The following RAB6A variants were observed in gnomAD, a reference collection of about 807,000 sequenced individuals.
RAB6A encodes the protein RAB6A, member RAS oncogene family.
A neutral mutation model predicts 32.3 loss-of-function variants in RAB6A; 8 were observed. The observed-to-expected ratio is 0.25, with a 90% CI of 0.15 to 0.45. The LOEUF (loss-of-function observed/expected upper bound fraction) is 0.45. Ranked by LOEUF, RAB6A falls within the 20% of genes least tolerant of loss-of-function variation. The probability of loss-of-function intolerance (pLI) is 1.00; values close to 1 mark genes in which losing one functional copy is unlikely to be tolerated. For missense variants in RAB6A, 104 were observed against 249.4 expected (o/e 0.42, Z 3.93); for synonymous variants, 73 against 82.1 (o/e 0.89, Z 0.60).
At chr11:73,709,102 AGT>A (rs1427475865) in intron 5 of RAB6A, among the ~76,000 whole-genome samples, 1 of 152,170 alleles carries the variant, frequency 6.6e-6, no homozygotes, top group Non-Finnish European at 1.5e-5. Context: ...ATACTTCAGC[AGT>A]GTGAATTTCC....
intron 6 of RAB6A, among the ~76,000 whole-genome samples, chr11:73,697,621 A>G (rs1945674928): frequency 6.6e-6 from 1 of 152,156 alleles, no homozygotes; most frequent in South Asian, 2.1e-4. Flanking sequence ...CACTGGGATT[A>G]CAGGCATGAG....
chr11:73,731,684 T>TTATATATATATA (rs1157961323), intron 1 of RAB6A, among the ~76,000 whole-genome samples: 2 of 14,516 alleles, frequency 1.4e-4, no homozygotes, highest in African/African-American at 1.9e-4. Flanking sequence ...TAGATAGATA[T>TTATATATATATA]TATATATATA....
At chr11:73,714,489 G>A (rs568185918) in intron 5 of RAB6A, among the ~76,000 whole-genome samples, 2 of 150,910 alleles carry the variant, frequency 1.3e-5, no homozygotes, top group Admixed American at 6.6e-5. Context: ...GTGAAACCTC[G>A]TCTCTACTAA....
At chr11:73,687,514 ACTAGT>A (rs1335505915) in intron 6 of RAB6A, among the ~76,000 whole-genome samples, 1 of 152,078 alleles carries the variant, frequency 6.6e-6, no homozygotes, top group Non-Finnish European at 1.5e-5. Context: ...TATTTTCTGG[ACTAGT>A]CTATTTTTTC....
intron 1 of RAB6A, among the ~76,000 whole-genome samples, chr11:73,739,030 G>A (rs1946446358): frequency 6.6e-6 from 1 of 150,962 alleles, no homozygotes; most frequent in Non-Finnish European, 1.5e-5. Flanking sequence ...CACTTTGGGA[G>A]GCTGAGGTGG....
chr11:73,681,512 T>C (rs1945356234), intron 6 of RAB6A, among the ~76,000 whole-genome samples: 1 of 152,144 alleles, frequency 6.6e-6, no homozygotes, highest in Non-Finnish European at 1.5e-5. Context: ...CTACAACTAA[T>C]ATGTTTAAAA....
intron 2 of RAB6A, among the ~76,000 whole-genome samples, chr11:73,722,056 G>GTGTGTGTGTATATATATATATATAT (rs1555061901): frequency 9.3e-5 from 14 of 151,022 alleles, no homozygotes; most frequent in Non-Finnish European, 1.9e-4. Context: ...CTTCTGCCAT[G>GTGTGTGTGTATATATATATATATAT]ATTGTAAGTT....
chr11:73,733,413 G>A (rs1443596405), intron 1 of RAB6A, among the ~76,000 whole-genome samples: 1 of 152,048 alleles, frequency 6.6e-6, no homozygotes, highest in Non-Finnish European at 1.5e-5. Flanking sequence ...GCCGGGTGTG[G>A]TGATGCGCGC....
intron 1 of RAB6A, among the ~76,000 whole-genome samples, chr11:73,744,094 T>C (rs1428149155): frequency 1.3e-5 from 2 of 151,984 alleles, no homozygotes; most frequent in African/African-American, 4.8e-5. Context: ...ATTTCAGCAC[T>C]TTGGGAGGCT....
At chr11:73,709,733 G>A (rs1945911230) in intron 5 of RAB6A, among the ~76,000 whole-genome samples, 1 of 149,274 alleles carries the variant, frequency 6.7e-6, no homozygotes, top group Non-Finnish European at 1.5e-5. Context: ...GGTAATGTGG[G>A]CTCATTCCTC....
intron 1 of RAB6A, among the ~76,000 whole-genome samples, chr11:73,755,183 G>T (rs544146327): frequency 6.6e-6 from 1 of 151,948 alleles, no homozygotes; most frequent in Non-Finnish European, 1.5e-5. Flanking sequence ...CGCCCACCTC[G>T]GCCTCTCAAA....
intron 6 of RAB6A, among the ~76,000 whole-genome samples, chr11:73,701,251 T>C (rs1327212614): frequency 1.3e-5 from 2 of 152,202 alleles, no homozygotes; most frequent in African/African-American, 4.8e-5. Flanking sequence ...AAAGGCATGA[T>C]TTTGTCAAAT....
chr11:73,718,926 ACCAAACTAATACT>A, intron 3 of RAB6A: 7 of 1,492,216 alleles, frequency 4.7e-6, no homozygotes, highest in Non-Finnish European at 6.4e-6. Context: ...AAAAAAAAAA[ACCAAACTAATACT>A]AAAAAGAAAA....
intron 2 of RAB6A, among the ~76,000 whole-genome samples, chr11:73,723,301 ATTTAT>A (rs1359419753): frequency 6.6e-6 from 1 of 151,604 alleles, no homozygotes; most frequent in Non-Finnish European, 1.5e-5. Context: ...AAAAAGAAAG[ATTTAT>A]TTTACTTATT....
chr11:73,706,744 AC>A (rs1945852475), intron 6 of RAB6A, among the ~76,000 whole-genome samples: 1 of 152,234 alleles, frequency 6.6e-6, no homozygotes, highest in Admixed American at 6.5e-5. Context: ...ACCAGAATTT[AC>A]TTTTACAACA....
At chr11:73,719,178 T>C (rs1416992152) in intron 3 of RAB6A, among the ~76,000 whole-genome samples, 1 of 152,204 alleles carries the variant, frequency 6.6e-6, no homozygotes, top group Non-Finnish European at 1.5e-5. Flanking sequence ...TAAAACCTGT[T>C]TGAATCCCTA....
At chr11:73,723,310 A>G in intron 2 of RAB6A, among the ~76,000 whole-genome samples, 1 of 151,754 alleles carries the variant, frequency 6.6e-6, no homozygotes, top group African/African-American at 2.4e-5. Flanking sequence ...GATTTATTTT[A>G]CTTATTTTAT....
intron 1 of RAB6A, among the ~76,000 whole-genome samples, chr11:73,752,796 T>A (rs969879150): frequency 6.7e-6 from 1 of 149,590 alleles, no homozygotes; most frequent in African/African-American, 2.5e-5. Flanking sequence ...CAAGCCTGGG[T>A]GACAGAGTAA....
At chr11:73,719,997 A>G (rs1336664617) in intron 3 of RAB6A, among the ~76,000 whole-genome samples, 1 of 151,898 alleles carries the variant, frequency 6.6e-6, no homozygotes, top group Admixed American at 6.6e-5. Flanking sequence ...CCTAAGAAAT[A>G]ACACTGGAAA....
Sources: gnomAD v4.1 joint callset for allele counts (sites outside exome capture counted in the v4.1 genomes callset) on GRCh38, gnomAD v4.1.1 for gene constraint, MANE v1.5 for transcripts, NCBI Gene and HGNC (gene_info 2026-07-23, HGNC 2026-07-21) for gene names.